Variants in ZNF692 observed in about 807,000 individuals in gnomAD.
ZNF692 encodes the protein AICAR responsive element binding protein.
In ZNF692, 41 loss-of-function variants were observed where a neutral mutation model predicts 49.0. The observed-to-expected ratio is 0.84, with a 90% CI of 0.65 to 1.08. The LOEUF is 1.08. Among genes scored for constraint, ZNF692 ranks in the 50% least tolerant of loss-of-function variants. The probability of loss-of-function intolerance (pLI) is 0.00; values close to 1 mark genes in which losing one functional copy is unlikely to be tolerated. For missense variants in ZNF692, 662 were observed against 662.2 expected (o/e 1.00, Z 0.00); for synonymous variants, 288 against 251.5 (o/e 1.15, Z -1.37).
In ZNF692 at chr1:248,858,298, G is replaced by A. The variant is rs772938522; in HGVS notation, c.12C>T (p.Ser4=). ...GCCTGCAGGACACGTCCACCGCCGG[G>A]GAGGAAGCCATGTGCACCAGAGGCT... is the stretch of plus-strand genomic sequence containing the variant. The part of the protein sequence containing the change: MAS[S]PAVDVSCRRR... The change falls in exon 2 of 12, where the codon TCC becomes TCT. Residue 4 remains serine (S), a synonymous_variant. Transcript: ENST00000306601. This position sits in a 1 kb window ranked among gnomAD's most constrained non-coding sequence, Gnocchi z 4.3. 1 of 1,566,502 alleles carries A rather than the reference G, an allele frequency of 6.4e-7. No homozygotes were observed.
In ZNF692 at chr1:248,858,282, A is replaced by T. The variant is rs746945924; in HGVS notation, c.28T>A (p.Ser10Thr). 38 of 1,581,410 alleles carry T rather than the reference A, an allele frequency of 2.4e-5. No homozygotes were observed. Among genetic ancestry groups the T allele is most frequent in the Non-Finnish European group, 3.0e-5 (35 of 1,162,192 alleles). The change falls in exon 2 of 12, where the codon TCC becomes ACC. Residue 10 changes from serine (S) to threonine (T), a missense_variant. By Grantham distance (58) the Ser-to-Thr change is moderately conservative (BLOSUM62 1). Coordinates refer to ENST00000306601, the MANE Select transcript of ZNF692 (RefSeq NM_017865.4). This position sits in a 1 kb window ranked among gnomAD's most constrained non-coding sequence, Gnocchi z 4.3. Reference protein sequence around the residue: MASSPAVDVSCRRREKRRQL... With the variant: MASSPAVDVTCRRREKRRQL... Reference sequence around the variant, plus strand: ...CGCCGCTTCTCCCGCCGCCTGCAGGACACGTCCACCGCCGGGGAGGAAGCC... The same window carrying T: ...CGCCGCTTCTCCCGCCGCCTGCAGGTCACGTCCACCGCCGGGGAGGAAGCC...
Position 248,855,370 on chromosome 1 carries a change from T to C in ZNF692, c.1038+10A>G. ...CAGCAGCCACACAGGCCCCAACCTG[T>C]GCCCCTCACATTCAAATACTGCCGG... On this transcript the variant is annotated intron_variant, in intron 9 of 11. Coordinates refer to ENST00000306601, the MANE Select transcript of ZNF692 (RefSeq NM_017865.4). 1 of 1,614,060 alleles carries C rather than the reference T, an allele frequency of 6.2e-7. No homozygotes were observed. The highest frequency in any genetic ancestry group is 8.5e-7 in the Non-Finnish European group (1 of 1,179,950).
rs566139847 is a variant in ZNF692 at position 248,858,040 on chromosome 1, G to A, written c.179+91C>T. On this transcript the variant is annotated intron_variant, in intron 2 of 11. Transcript: ENST00000306601. This position sits in a 1 kb window ranked among gnomAD's most constrained non-coding sequence, Gnocchi z 4.3. ...GTCCTGGTAAAGTGAGAAACCTGAG[G>A]GTGGAAAAGAGCAGCAGGACAGGCC... is the stretch of plus-strand genomic sequence containing the variant. 1.3e-6 allele frequency: 2 copies of A among 1,547,986 alleles called. No homozygotes were observed. The highest frequency in any genetic ancestry group is 8.7e-7 in the Non-Finnish European group (1 of 1,152,352).
Position 248,855,896 on chromosome 1 carries a change from G to A in ZNF692, c.710C>T (p.Pro237Leu). Residue 237 changes from proline (P) to leucine (L), a missense_variant, in exon 7 of 12, where the codon CCT (proline) becomes CTT (leucine). By Grantham distance (98) the Pro-to-Leu change is moderately conservative. Transcript: ENST00000306601. ...GGCTGGTGGTGTCTCCCCCTCTTTAGGTGTGCAGGTGACAGGGGAAGGCAG... is the reference window on the plus strand; with the variant it reads ...GGCTGGTGGTGTCTCCCCCTCTTTAAGTGTGCAGGTGACAGGGGAAGGCAG... ...RLLPSPVTCT[P>L]KEGETPPAPA... 2 of 1,614,150 alleles carry A rather than the reference G, an allele frequency of 1.2e-6. No individual in the cohort carries two copies. Among genetic ancestry groups the A allele is most frequent in the Non-Finnish European group, 1.7e-6 (2 of 1,180,038 alleles).
At position 248,850,370 on chromosome 1, in the gene ZNF692, C is replaced by T. The variant is rs765351127; in HGVS notation, c.1400G>A (p.Arg467His). 3.3e-5 allele frequency: 54 copies of T among 1,613,970 alleles called. No individual in the cohort carries two copies. Among genetic ancestry groups the T allele is most frequent in the Middle Eastern group, 1.6e-4 (1 of 6,078 alleles). ...AAGCAGGGCTGGGTGACTTTTGCTA[C>T]GGTGGGCTGCAACACTGTCTGGCTT... ...FEKPDSVAAH[R>H]SKSHPALLLA... The change falls in exon 12 of 12, where the codon CGT (arginine) becomes CAT (histidine). Residue 467 changes from arginine to histidine, a missense_variant. By Grantham distance (29) the Arg-to-His change is conservative. Coordinates refer to ENST00000306601, the MANE Select transcript of ZNF692 (RefSeq NM_017865.4).
intron 10 of ZNF692, among the ~76,000 whole-genome samples, chr1:248,853,143 G>A (rs1380399710): frequency 6.6e-6 from 1 of 151,992 alleles, no homozygotes; most frequent in African/African-American, 2.4e-5. Context: ...CCTTCCCACG[G>A]CAGCTCGTTT....
At position 248,850,333 on chromosome 1, in the gene ZNF692, T is replaced by C. The variant is rs768048790; in HGVS notation, c.1437A>G (p.Gln479=). ...GCTCTAGGGGACCACTGGGTGACTC[T>C]TGAGGGGCTAGAAGCAGGGCTGGGT... The part of the protein sequence containing the change: ...KSHPALLLAP[Q]ESPSGPLEPC... Residue 479 remains glutamine (Q), a synonymous_variant, in exon 12 of 12, where the codon CAA becomes CAG. Coordinates refer to ENST00000306601, the MANE Select transcript of ZNF692 (RefSeq NM_017865.4). The C allele has an allele frequency of 1.9e-5, 30 of 1,613,876 alleles. No individual in the cohort carries two copies. The highest frequency in any genetic ancestry group is 2.5e-5 in the Non-Finnish European group (30 of 1,180,004).
intron 9 of ZNF692, chr1:248,854,499 C>G (rs967303696): frequency 8.1e-6 from 1 of 123,394 alleles, no homozygotes; most frequent in African/African-American, 4.1e-5. Context: ...CAACTGCTTG[C>G]TTTTTAATAG....
rs766177554 is a variant in ZNF692, at chr1:248,853,913, G to A, written c.1153+24C>T. 2.1e-5 allele frequency: 34 copies of A among 1,583,618 alleles called. No individual in the cohort carries two copies. The Admixed American group carries it at 3.2e-4, about 15-fold the overall frequency. Reference sequence around the variant, plus strand: ...AAAGGAAGGTAAAAGGTCCCACAGAGGAAGGTGGAGTTCCACCACTCACCA... The same window carrying A: ...AAAGGAAGGTAAAAGGTCCCACAGAAGAAGGTGGAGTTCCACCACTCACCA... On this transcript the variant is annotated intron_variant, in intron 10 of 11. Transcript: ENST00000306601.
intron 10 of ZNF692, among the ~76,000 whole-genome samples, chr1:248,853,112 A>G (rs1659795572): frequency 6.6e-6 from 1 of 151,414 alleles, no homozygotes; most frequent in African/African-American, 2.4e-5. Flanking sequence ...CTCCCTTCCC[A>G]CTCGACTGCA....
In ZNF692 at chr1:248,855,801, G is replaced by A; in HGVS notation, c.805C>T (p.Pro269Ser). 3 of 1,614,200 alleles carry A rather than the reference G, an allele frequency of 1.9e-6. No individual in the cohort carries two copies. Among genetic ancestry groups the A allele is most frequent in the Non-Finnish European group, 2.5e-6 (3 of 1,180,048 alleles). Reference protein sequence around the residue: ...SASSLSSRAPPPAEVRVQPQL... With the variant: ...SASSLSSRAPSPAEVRVQPQL... The stretch of plus-strand genomic sequence containing the variant: ...GGCTGCACCCTGACTTCTGCAGGTG[G>A]AGGAGCTCTGGAACTCAATGAGGAT... The change falls in exon 7 of 12, where the codon CCA becomes TCA. Residue 269 changes from proline (P) to serine (S), a missense_variant. Coordinates refer to ENST00000306601, the MANE Select transcript of ZNF692 (RefSeq NM_017865.4).
Position 248,857,331 on chromosome 1 carries a change from C to T in ZNF692, c.378G>A (p.Leu126=). 3 of 1,614,104 alleles carry T rather than the reference C, an allele frequency of 1.9e-6. No homozygotes were observed. The highest frequency in any genetic ancestry group is 2.5e-6 in the Non-Finnish European group (3 of 1,180,010). The change falls in exon 4 of 12, where the codon TTG becomes TTA. Residue 126 remains leucine, a synonymous_variant. Coordinates refer to ENST00000306601, the MANE Select transcript of ZNF692 (RefSeq NM_017865.4). ...TGGGTGCCTCTGAAGGTGTAGGGCTCAAAGAGGGTCCCCAGGAGAAGGTAT... is the reference window on the plus strand; with the variant it reads ...TGGGTGCCTCTGAAGGTGTAGGGCTTAAAGAGGGTCCCCAGGAGAAGGTAT... ...AGHTFSWGPS[L]SPTPSEAPKP...
In ZNF692 at chr1:248,858,985, G is replaced by C. The variant is rs1401458866; in HGVS notation, c.-80C>G. The stretch of plus-strand genomic sequence containing the variant: ...TGCGCCTCCCGGGCCTAGCGAGCAG[G>C]CCCGGAGCTGCTGGAAGACAGGGGC... On this transcript the variant is annotated 5_prime_UTR_variant, in exon 1 of 12. Coordinates refer to ENST00000306601, the MANE Select transcript of ZNF692 (RefSeq NM_017865.4). The surrounding 1 kb of genome is among the most constrained non-coding windows in gnomAD (Gnocchi z 4.3). The C allele has an allele frequency of 5.9e-6, 1 of 170,042 alleles. No homozygotes were observed. The highest frequency in any genetic ancestry group is 2.4e-5 in the African/African-American group (1 of 41,868). 10.5% of individuals were successfully genotyped at this position (170,042 alleles called of 1,614,324 possible). A position where few individuals can be genotyped will look rare whatever the true frequency, so the allele number is the denominator to read the frequency against.
Position 248,857,259 on chromosome 1 carries a change from C to G in ZNF692, c.450G>C (p.Glu150Asp), listed in dbSNP as rs146520690. 1 of 1,613,872 alleles carries G rather than the reference C, an allele frequency of 6.2e-7. No individual in the cohort carries two copies. Among genetic ancestry groups the G allele is most frequent in the Non-Finnish European group, 8.5e-7 (1 of 1,179,908 alleles). Residue 150 changes from glutamate to aspartate, a missense_variant, in exon 4 of 12, where the codon GAG (glutamate) becomes GAC (aspartate). Physicochemically the swap from Glu to Asp is conservative, Grantham distance 45. Transcript: ENST00000306601. Reference sequence around the variant, plus strand: ...CTGCAAGCTCCTGCCCACTCGTGGCCTCGGAACACCAACTTCTCCGAGTAG... The same window carrying G: ...CTGCAAGCTCCTGCCCACTCGTGGCGTCGGAACACCAACTTCTCCGAGTAG... Reference protein sequence around the residue: ...PHTTRRSWCSEATSGQELADL... With the variant: ...PHTTRRSWCSDATSGQELADL...
chr1:248,851,135 T>C (rs1172080033), intron 10 of ZNF692, among the ~76,000 whole-genome samples: 2 of 152,070 alleles, frequency 1.3e-5, no homozygotes, highest in African/African-American at 4.8e-5. Context: ...TGGGTCCTTA[T>C]GTATGAATTG....
At position 248,858,637 on chromosome 1, in the gene ZNF692, G is replaced by A; in HGVS notation, c.-13+281C>T. Reference sequence around the variant, plus strand: ...GAGACTTTCACGGGAAATTTCAACTGGGCTGGGGGCGGTCCACACATTTCA... The same window carrying A: ...GAGACTTTCACGGGAAATTTCAACTAGGCTGGGGGCGGTCCACACATTTCA... On this transcript the variant is annotated intron_variant, in intron 1 of 11. Transcript: ENST00000306601. The surrounding 1 kb of genome is among the most constrained non-coding windows in gnomAD (Gnocchi z 4.3). 1 of 1,335,836 alleles carries A rather than the reference G, an allele frequency of 7.5e-7. No homozygotes were observed. Among genetic ancestry groups the A allele is most frequent in the Non-Finnish European group, 1.1e-6 (1 of 951,824 alleles). The allele number at this position is 1,335,836 out of a possible 1,614,324, so 82.7% of individuals were successfully genotyped here. A position where few individuals can be genotyped will look rare whatever the true frequency, so the allele number is the denominator to read the frequency against.
At chr1:248,853,620 T>C (rs1274858596) in intron 10 of ZNF692, among the ~76,000 whole-genome samples, 2 of 152,228 alleles carry the variant, frequency 1.3e-5, no homozygotes, top group Non-Finnish European at 2.9e-5. Flanking sequence ...CCTTATGCTC[T>C]CCTCCTTTCC....
At chr1:248,850,590 T>A in intron 11 of ZNF692, 74 bp from the exon 12 acceptor site, 1 of 1,594,742 alleles carries the variant, frequency 6.3e-7, no homozygotes, top group Non-Finnish European at 8.6e-7. Context: ...TTCCTCCTGC[T>A]CCCCACTGCC....
intron 4 of ZNF692, among the ~76,000 whole-genome samples, chr1:248,856,936 A>G (rs1229488408): frequency 6.6e-6 from 1 of 151,998 alleles, no homozygotes; most frequent in Non-Finnish European, 1.5e-5. Context: ...ACTTCTTCCC[A>G]TAGGCAACCT....
Sources: gnomAD v4.1 joint callset for allele counts (sites outside exome capture counted in the v4.1 genomes callset) on GRCh38, gnomAD v4.1.1 for gene constraint, Gnocchi (gnomAD v3.1) non-coding constraint, MANE v1.5 for transcripts, NCBI Gene and HGNC (gene_info 2026-07-23, HGNC 2026-07-21) for gene names.